Variants in GRAMD1B observed in about 807,000 individuals in gnomAD.
GRAMD1B encodes the protein GRAM domain containing 1B.
In GRAMD1B, 37 loss-of-function variants were observed where a neutral mutation model predicts 99.7. The observed-to-expected ratio is 0.37, with a 90% CI of 0.29 to 0.49. The LOEUF (loss-of-function observed/expected upper bound fraction) is 0.49, where lower values mean the gene tolerates loss of function less well. Among genes scored for constraint, GRAMD1B ranks in the 20% least tolerant of loss-of-function variants. The pLI, the probability that GRAMD1B is intolerant of heterozygous loss-of-function variation, is 0.98. For synonymous variants in GRAMD1B, 427 were observed against 387.6 expected (o/e 1.10, Z -1.19); for missense variants, 888 against 1,009.2 (o/e 0.88, Z 1.63).
At chr11:123,588,438 T>C (rs1950285044) in intron 4 of GRAMD1B, among the ~76,000 whole-genome samples, 1 of 152,166 alleles carries the variant, frequency 6.6e-6, no homozygotes, top group Non-Finnish European at 1.5e-5. Context: ...GTATCCTGTC[T>C]CTATCTCACC....
At chr11:123,453,851 GAGCAT>G (rs1347055533) in intron 1 of GRAMD1B, among the ~76,000 whole-genome samples, 1 of 152,200 alleles carries the variant, frequency 6.6e-6, no homozygotes, top group African/African-American at 2.4e-5. Flanking sequence ...CTGAGCAATG[GAGCAT>G]CTGAAGTCCC....
intron 1 of GRAMD1B, among the ~76,000 whole-genome samples, chr11:123,445,886 T>C (rs574490436): frequency 2.7e-4 from 41 of 151,690 alleles, no homozygotes; most frequent in African/African-American, 8.5e-4. Flanking sequence ...TTGGTTGCAC[T>C]GTCTTTCTTG....
chr11:123,550,955 G>A (rs1591955173), intron 2 of GRAMD1B, among the ~76,000 whole-genome samples: 1 of 152,294 alleles, frequency 6.6e-6, no homozygotes, highest in East Asian at 1.9e-4. Flanking sequence ...GTGGTAATTA[G>A]TACATGTCTT....
chr11:123,414,414 A>AG (rs1464132561), intron 1 of GRAMD1B, among the ~76,000 whole-genome samples: 3 of 152,198 alleles, frequency 2.0e-5, no homozygotes, highest in Non-Finnish European at 4.4e-5. Context: ...ATTGTGTGCC[A>AG]GGGACAGTGT....
chr11:123,622,427 T>G, intron 19 of GRAMD1B, 79 bp from the exon 20 acceptor site: 3 of 842,746 alleles, frequency 3.6e-6, no homozygotes, highest in South Asian at 1.4e-5. Flanking sequence ...CCTAGGCGGG[T>G]GTGGGGAGAG....
chr11:123,499,047 G>A (rs1939591623), intron 2 of GRAMD1B, among the ~76,000 whole-genome samples: 2 of 152,142 alleles, frequency 1.3e-5, no homozygotes, highest in South Asian at 4.1e-4. Flanking sequence ...GACATGGAAG[G>A]GCCTTTTGAT....
At chr11:123,418,492 C>A (rs1349807942) in intron 1 of GRAMD1B, among the ~76,000 whole-genome samples, 1 of 152,096 alleles carries the variant, frequency 6.6e-6, no homozygotes, top group Non-Finnish European at 1.5e-5. Context: ...TTAATTGCTC[C>A]CCAGGGATTC....
intron 1 of GRAMD1B, chr11:123,460,085 A>C (rs931774789): frequency 1.3e-5 from 2 of 151,698 alleles, no homozygotes; most frequent in Non-Finnish European, 2.9e-5. Context: ...TGTGTGTTTC[A>C]TTAAAATTCT....
chr11:123,400,431 C>G (rs1356703839), intron 1 of GRAMD1B, among the ~76,000 whole-genome samples: 2 of 152,142 alleles, frequency 1.3e-5, no homozygotes, highest in African/African-American at 2.4e-5. Context: ...GAGCCGAGAT[C>G]GTGCCATTGC....
chr11:123,554,525 CAAAAAA>C (rs750680684), intron 2 of GRAMD1B, among the ~76,000 whole-genome samples: 10,009 of 86,528 alleles, frequency 0.12, 440 homozygotes, highest in Admixed American at 0.23. Flanking sequence ...CCCATCTTTA[CAAAAAA>C]AAAAAAAAAA....
At chr11:123,411,507 G>A (rs922391830) in intron 1 of GRAMD1B, among the ~76,000 whole-genome samples, 1 of 152,004 alleles carries the variant, frequency 6.6e-6, no homozygotes, top group African/African-American at 2.4e-5. Flanking sequence ...GAACAAATCT[G>A]GTATTATTTA....
chr11:123,364,832 TC>T (rs1289256413), intron 1 of GRAMD1B, among the ~76,000 whole-genome samples: 1 of 138,860 alleles, frequency 7.2e-6, no homozygotes, highest in Non-Finnish European at 1.5e-5. Context: ...CTCTTCAGGC[TC>T]CAGTTTTTCA....
At chr11:123,599,629 C>T (rs373095710) in intron 7 of GRAMD1B, among the ~76,000 whole-genome samples, 16 of 152,312 alleles carry the variant, frequency 1.1e-4, no homozygotes, top group Middle Eastern at 3.4e-3. Flanking sequence ...CTCACCACCA[C>T]GCCTGGCTAA....
At chr11:123,456,145 A>G (rs1358091307) in intron 1 of GRAMD1B, among the ~76,000 whole-genome samples, 1 of 152,212 alleles carries the variant, frequency 6.6e-6, no homozygotes, top group Non-Finnish European at 1.5e-5. Context: ...ACTGTACTCC[A>G]GCCTGGGCGA....
At chr11:123,458,209 C>T (rs150098791) in intron 1 of GRAMD1B, among the ~76,000 whole-genome samples, 227 of 152,246 alleles carry the variant, frequency 1.5e-3, no homozygotes, top group African/African-American at 4.9e-3. Flanking sequence ...ATGCTGGTAG[C>T]GTGGCTCAGT....
intron 1 of GRAMD1B, among the ~76,000 whole-genome samples, chr11:123,421,445 G>A (rs1172498729): frequency 2.0e-5 from 3 of 152,222 alleles, no homozygotes; most frequent in Non-Finnish European, 4.4e-5. Context: ...ACGCTTGACT[G>A]AAAGATGTTT....
chr11:123,531,202 T>C (rs766485936), intron 2 of GRAMD1B, among the ~76,000 whole-genome samples: 7 of 152,208 alleles, frequency 4.6e-5, no homozygotes, highest in Non-Finnish European at 8.8e-5. Flanking sequence ...AATTGGAGTT[T>C]TCCCGTGGTT....
At chr11:123,400,061 T>C (rs1947605633) in intron 1 of GRAMD1B, among the ~76,000 whole-genome samples, 1 of 152,200 alleles carries the variant, frequency 6.6e-6, no homozygotes, top group Non-Finnish European at 1.5e-5. Flanking sequence ...TTATTTGGTG[T>C]TTTGCTATTG....
intron 1 of GRAMD1B, among the ~76,000 whole-genome samples, chr11:123,386,396 G>T (rs140078313): frequency 2.7e-5 from 4 of 150,816 alleles, no homozygotes; most frequent in Non-Finnish European, 5.9e-5. Context: ...TCCATCCCCG[G>T]ATTCTTAGAA....
Sources: gnomAD v4.1 joint callset for allele counts (sites outside exome capture counted in the v4.1 genomes callset) on GRCh38, gnomAD v4.1.1 for gene constraint, MANE v1.5 for transcripts, NCBI Gene and HGNC (gene_info 2026-07-23, HGNC 2026-07-21) for gene names.